The following MDGA2 variants were observed in gnomAD, a reference collection of about 807,000 sequenced individuals.
The protein encoded by MDGA2 is MAM domain containing glycosylphosphatidylinositol anchor 2.
Under a neutral mutation model 117.8 loss-of-function variants are expected in MDGA2, and 40 were observed. The observed-to-expected ratio is 0.34, with a 90% CI of 0.26 to 0.44. MDGA2 has a LOEUF of 0.44. Among genes scored for constraint, MDGA2 ranks in the 20% least tolerant of loss-of-function variants. The probability of loss-of-function intolerance (pLI) is 1.00; values close to 1 mark genes in which losing one functional copy is unlikely to be tolerated. For missense variants in MDGA2, 1,123 were observed against 1,250.6 expected, an observed-to-expected ratio of 0.90 and a Z score of 1.54; for synonymous variants, 452 against 439.0, an observed-to-expected ratio of 1.03 and a Z score of -0.37.
At chr14:47,288,389 C>T (rs539349181) in intron 2 of MDGA2, among the ~76,000 whole-genome samples, 2 of 152,186 alleles carry the variant, frequency 1.3e-5, no homozygotes, top group South Asian at 4.1e-4. Flanking sequence ...GATTATGTAT[C>T]GTATCAACAC....
chr14:47,006,284 G>A lies in MDGA2; in HGVS notation c.1819+28727C>T, dbSNP rs554546122. On this transcript the variant is annotated intron_variant, in intron 8 of 16. Coordinates refer to ENST00000399232, the MANE Select transcript of MDGA2 (RefSeq NM_001113498.3). ...CTCATGTTGTTTTCAGAATCTTGTG[G>A]TATTAATGTTTACAGTAGCTAAATT... Among the ~76,000 whole-genome samples the A allele has an allele frequency of 6.0e-5, 9 of 150,524 alleles. No individual in the cohort carries two copies. The East Asian group carries it at 1.6e-3, about 26-fold the overall frequency.
rs1199589292 is a variant in MDGA2 at position 47,218,111 on chromosome 14, T to C, written c.505A>G (p.Ile169Val). 6.4e-7 allele frequency: 1 copy of C among 1,551,462 alleles called. No individual in the cohort carries two copies. Among genetic ancestry groups the C allele is most frequent in the Non-Finnish European group, 8.7e-7 (1 of 1,146,734 alleles). ...TACCGGCCTCCTTGGTGTCGCTGAATATTTGTAATCCTCAAAGTCTCATTG... is the reference window on the plus strand; with the variant it reads ...TACCGGCCTCCTTGGTGTCGCTGAACATTTGTAATCCTCAAAGTCTCATTG... ...VFNETLRITN[I>V]QRHQGGRYYC... is the part of the protein sequence containing the mutation. The change falls in exon 3 of 17, where the codon ATT becomes GTT. Residue 169 changes from isoleucine (I) to valine (V), a missense_variant. Ile to Val is a conservative substitution (Grantham distance 29). Around this residue, in one of 2 missense-constraint regions of MDGA2, gnomAD observed 233 missense variants for 200.3 expected, o/e 1.16. Transcript: ENST00000399232.
chr14:47,166,777 A>G (rs995956657), intron 3 of MDGA2, among the ~76,000 whole-genome samples: 1 of 152,230 alleles, frequency 6.6e-6, no homozygotes, highest in South Asian at 2.1e-4. Context: ...ACCTGACGTA[A>G]GAGCATATTA....
At chr14:47,260,652 A>G (rs1887765654) in intron 2 of MDGA2, among the ~76,000 whole-genome samples, 1 of 152,090 alleles carries the variant, frequency 6.6e-6, no homozygotes, top group Non-Finnish European at 1.5e-5. Context: ...ATTTTTGTCT[A>G]TATAGTCCCT....
chr14:46,880,322 C>T (rs1882394821), intron 11 of MDGA2, among the ~76,000 whole-genome samples: 1 of 151,496 alleles, frequency 6.6e-6, no homozygotes, highest in Non-Finnish European at 1.5e-5. Context: ...GAGACTCCAT[C>T]TCAAAAATAT....
chr14:47,331,526 C>T (rs751869464), intron 1 of MDGA2, among the ~76,000 whole-genome samples: 10 of 151,740 alleles, frequency 6.6e-5, no homozygotes, highest in African/African-American at 1.5e-4. Flanking sequence ...CTTCTGTTGA[C>T]GCAGATTCTT....
At chr14:47,297,186 G>T (rs902079487) in intron 2 of MDGA2, among the ~76,000 whole-genome samples, 7 of 152,012 alleles carry the variant, frequency 4.6e-5, no homozygotes, top group Non-Finnish European at 8.8e-5. Flanking sequence ...AATGGAACAT[G>T]AACATAAATA....
At chr14:47,539,253 A>G (rs1895288356) in intron 1 of MDGA2, among the ~76,000 whole-genome samples, 1 of 152,206 alleles carries the variant, frequency 6.6e-6, no homozygotes, top group South Asian at 2.1e-4. Flanking sequence ...GTGTGGCTAA[A>G]GCAGAGTGCC....
chr14:47,322,403 G>C (rs911384423), intron 1 of MDGA2, among the ~76,000 whole-genome samples: 1 of 151,984 alleles, frequency 6.6e-6, no homozygotes, highest in Admixed American at 6.6e-5. Flanking sequence ...ATTTCATTTC[G>C]TGCTTTATTA....
At chr14:47,157,594 T>C (rs1212619977) in intron 3 of MDGA2, among the ~76,000 whole-genome samples, 2 of 122,782 alleles carry the variant, frequency 1.6e-5, no homozygotes, top group Non-Finnish European at 3.3e-5. Context: ...TATGTACATA[T>C]ATGTGTGTGT....
chr14:47,274,989 A>G lies in MDGA2; in HGVS notation c.420+26422T>C, dbSNP rs1888264901. Among the ~76,000 whole-genome samples the G allele has an allele frequency of 2.0e-5, 3 of 152,012 alleles. No individual in the cohort carries two copies. The South Asian group carries it at 6.2e-4, about 32-fold the overall frequency. On this transcript the variant is annotated intron_variant, in intron 2 of 16. Transcript: ENST00000399232. ...TCCTGATCAGATATATGATTTACAA[A>G]TACCTTCTCCCATTCTGTGAGGTGT...
At chr14:47,530,820 G>T (rs1208722306) in intron 1 of MDGA2, among the ~76,000 whole-genome samples, 1 of 152,144 alleles carries the variant, frequency 6.6e-6, no homozygotes, top group Non-Finnish European at 1.5e-5. Context: ...TTAGAAACAT[G>T]AATGAGCAAC....
At chr14:47,399,766 A>T (rs1434381193) in intron 1 of MDGA2, among the ~76,000 whole-genome samples, 1 of 151,856 alleles carries the variant, frequency 6.6e-6, no homozygotes, top group South Asian at 2.1e-4. Context: ...TTTTTTTGTT[A>T]AAAAAATGCT....
At chr14:47,039,911 T>C (rs1889000615) in intron 7 of MDGA2, among the ~76,000 whole-genome samples, 1 of 150,082 alleles carries the variant, frequency 6.7e-6, no homozygotes. Flanking sequence ...CTTGGCTCTC[T>C]CTCACACACA....
At chr14:47,535,945 A>T (rs4898572) in intron 1 of MDGA2, among the ~76,000 whole-genome samples, 6 of 152,192 alleles carry the variant, frequency 3.9e-5, no homozygotes, top group South Asian at 4.1e-4. Flanking sequence ...GCCTTCCAAG[A>T]GGGCTTCACA....
chr14:46,842,547 T>C (rs1880660100), intron 16 of MDGA2, among the ~76,000 whole-genome samples: 1 of 152,146 alleles, frequency 6.6e-6, no homozygotes, highest in Non-Finnish European at 1.5e-5. Flanking sequence ...TAATTTTCTC[T>C]TTATTTTAAC....
chr14:46,855,699 A>G lies in MDGA2; in HGVS notation c.2753-545T>C, dbSNP rs568037545. Among the ~76,000 whole-genome samples, 6 of 152,274 alleles carry G rather than the reference A, an allele frequency of 3.9e-5. No homozygotes were observed. The South Asian group carries it at 1.2e-3, about 32-fold the overall frequency. On this transcript the variant is annotated intron_variant, in intron 14 of 16. Transcript: ENST00000399232. This position sits in a 1 kb window ranked among gnomAD's most constrained non-coding sequence, Gnocchi z 4.1. ...TTTTAAATTTCTGTTCTCCAGAATG[A>G]TAAGCTAATAAATTTGTGTTGTTTT...
intron 1 of MDGA2, among the ~76,000 whole-genome samples, chr14:47,396,369 T>G (rs1344071388): frequency 6.6e-6 from 1 of 152,114 alleles, no homozygotes; most frequent in Non-Finnish European, 1.5e-5. Context: ...CCCTTTTTTC[T>G]TTTTTAAATT....
At chr14:46,842,140 T>C in intron 16 of MDGA2, 121 bp from the exon 17 acceptor site, 1 of 621,964 alleles carries the variant, frequency 1.6e-6, no homozygotes, top group East Asian at 2.9e-5. Context: ...TGGAAAATAT[T>C]TATTTTTATT....
Sources: allele counts gnomAD v4.1 joint callset (sites outside exome capture counted in the v4.1 genomes callset), GRCh38; gene constraint gnomAD v4.1.1; regional missense constraint gnomAD v4.1.1; non-coding constraint Gnocchi (gnomAD v3.1); transcripts MANE v1.5; gene names NCBI Gene and HGNC (gene_info 2026-07-23, HGNC 2026-07-21).